The following PRR5L variants were observed in gnomAD, a reference collection of about 807,000 sequenced individuals.
PRR5L encodes the protein proline rich 5 like, also known as proline-rich protein 5-like.
PRR5L carries 21 observed loss-of-function variants against 36.4 expected under a neutral mutation model. That is an observed-to-expected ratio of 0.58 (90% CI 0.41 to 0.83). The LOEUF is 0.83. Ranked by LOEUF, PRR5L falls within the 40% of genes least tolerant of loss-of-function variation. The probability of loss-of-function intolerance (pLI) is 0.00; values close to 1 mark genes in which losing one functional copy is unlikely to be tolerated. For missense variants in PRR5L, 381 were observed against 473.3 expected, an observed-to-expected ratio of 0.80 and a Z score of 1.81; for synonymous variants, 188 against 197.0, an observed-to-expected ratio of 0.95 and a Z score of 0.38.
At chr11:36,406,418 A>T (rs1857913711) in intron 3 of PRR5L, among the ~76,000 whole-genome samples, 1 of 152,184 alleles carries the variant, frequency 6.6e-6, no homozygotes, top group African/African-American at 2.4e-5. Flanking sequence ...TATTTTAGAG[A>T]AGGCCAGAGG....
intron 1 of PRR5L, among the ~76,000 whole-genome samples, chr11:36,327,278 A>G (rs1316486340): frequency 6.6e-6 from 1 of 152,176 alleles, no homozygotes; most frequent in African/African-American, 2.4e-5. Context: ...AAACTAGTTC[A>G]TGCCATGATG....
rs192676831 is a variant in PRR5L, at chr11:36,322,167, T to C, written c.-126+25729T>C. On this transcript the variant is annotated intron_variant, in intron 1 of 8. Transcript: ENST00000530639. ...TCTTAATTGTTTCAAAAATGTTCTT[T>C]GAAATGAACCTACATTGACTGCTTC... Among the ~76,000 whole-genome samples the C allele has an allele frequency of 1.9e-3, 288 of 152,328 alleles. 2 individuals are homozygous for C. Among genetic ancestry groups the C allele is most frequent in the African/African-American group, 6.6e-3 (275 of 41,568 alleles).
rs181807175 is a variant in PRR5L, at chr11:36,423,052, T to C, written c.294+3749T>C. Reference sequence around the variant, plus strand: ...CTGTATCTACTGGCTTTGTTTTGTGTGTTATAAGCTTTTGCCCCAAGCCCA... The same window carrying C: ...CTGTATCTACTGGCTTTGTTTTGTGCGTTATAAGCTTTTGCCCCAAGCCCA... On this transcript the variant is annotated intron_variant, in intron 4 of 8. Transcript: ENST00000530639. Among the ~76,000 whole-genome samples the C allele has an allele frequency of 5.2e-3, 799 of 152,296 alleles. 3 individuals carry two copies. Among genetic ancestry groups the C allele is most frequent in the African/African-American group, 0.017 (707 of 41,546 alleles).
intron 1 of PRR5L, among the ~76,000 whole-genome samples, chr11:36,317,210 G>C (rs143877497): frequency 6.6e-6 from 1 of 152,322 alleles, no homozygotes; most frequent in Non-Finnish European, 1.5e-5. Flanking sequence ...GTCTGCCTTA[G>C]TGAGGGCAAC....
chr11:36,327,676 A>ATCTATTT (rs1856678576), intron 1 of PRR5L, among the ~76,000 whole-genome samples: 1 of 152,192 alleles, frequency 6.6e-6, no homozygotes, highest in African/African-American at 2.4e-5. Flanking sequence ...AAGCATAGTC[A>ATCTATTT]CCTATGAGAA....
At chr11:36,372,651 T>G (rs1857208964) in intron 1 of PRR5L, among the ~76,000 whole-genome samples, 1 of 152,152 alleles carries the variant, frequency 6.6e-6, no homozygotes, top group Non-Finnish European at 1.5e-5. Flanking sequence ...AGGGAGTGGC[T>G]GGGATTGTGG....
intron 1 of PRR5L, among the ~76,000 whole-genome samples, chr11:36,350,961 T>TA (rs1416061404): frequency 1.1e-5 from 1 of 94,890 alleles, no homozygotes; most frequent in Non-Finnish European, 1.9e-5. Flanking sequence ...TTTATATATA[T>TA]TTATATATTT....
intron 8 of PRR5L, among the ~76,000 whole-genome samples, chr11:36,458,133 C>A (rs1258864212): frequency 6.6e-6 from 1 of 152,250 alleles, no homozygotes; most frequent in Admixed American, 6.5e-5. Flanking sequence ...CGTTTTGTCT[C>A]TTATCTCCAA....
At chr11:36,343,983 G>C (rs1272090894) in intron 1 of PRR5L, among the ~76,000 whole-genome samples, 1 of 151,850 alleles carries the variant, frequency 6.6e-6, no homozygotes, top group South Asian at 2.1e-4. Flanking sequence ...TTGGGAGGCC[G>C]AGGCGGGTGG....
chr11:36,329,180 A>C (rs960915366), intron 1 of PRR5L: 1 of 152,206 alleles, frequency 6.6e-6, no homozygotes, highest in Admixed American at 6.5e-5. Context: ...TTGGATGATG[A>C]AATGAGGATG....
chr11:36,350,944 A>ATATTTATATATTTATATATT (rs1554986952), intron 1 of PRR5L, among the ~76,000 whole-genome samples: 6,264 of 57,090 alleles, frequency 0.11, 1,838 homozygotes, highest in Non-Finnish European at 0.14. Flanking sequence ...ATATTTATAT[A>ATATTTATATATTTATATATT]TATATATTTA....
intron 1 of PRR5L, among the ~76,000 whole-genome samples, chr11:36,296,673 G>A (rs1856314841): frequency 6.6e-6 from 1 of 152,152 alleles, no homozygotes; most frequent in Non-Finnish European, 1.5e-5. Context: ...GATATCTCTG[G>A]GTGACCAGGG....
intron 3 of PRR5L, among the ~76,000 whole-genome samples, chr11:36,413,727 TA>T (rs1223040629): frequency 1.1e-3 from 162 of 151,180 alleles, no homozygotes; most frequent in African/African-American, 3.2e-3. Flanking sequence ...TTTATTTTAT[TA>T]TTATTATACT....
At chr11:36,354,165 T>A (rs452838) in intron 1 of PRR5L, among the ~76,000 whole-genome samples, 8,004 of 152,232 alleles carry the variant, frequency 0.053, 686 homozygotes, top group African/African-American at 0.18. Flanking sequence ...AGAATGGAAA[T>A]CATAACAGTA....
chr11:36,439,221 C>G (rs1858669911), intron 6 of PRR5L, among the ~76,000 whole-genome samples: 1 of 151,930 alleles, frequency 6.6e-6, no homozygotes, highest in Non-Finnish European at 1.5e-5. Context: ...CCCTGGGTCT[C>G]TCTTCAGGCC....
chr11:36,322,314 T>C (rs1856620720), intron 1 of PRR5L, among the ~76,000 whole-genome samples: 1 of 152,212 alleles, frequency 6.6e-6, no homozygotes, highest in Non-Finnish European at 1.5e-5. Flanking sequence ...TCAGGGTATC[T>C]ACTTTTTTAA....
Position 36,462,708 on chromosome 11 carries a change from C to T in PRR5L, c.1079C>T (p.Ser360Leu), listed in dbSNP as rs377764430. Residue 360 changes from serine (S) to leucine (L), a missense_variant, in exon 9 of 9, where the codon TCG (serine) becomes TTG (leucine). Physicochemically the swap from Ser to Leu is moderately radical, Grantham distance 145 (BLOSUM62 -2). Coordinates refer to ENST00000530639, the MANE Select transcript of PRR5L (RefSeq NM_001160167.2). ...EEGARGSQEG[S>L]ELNCASLS ...GGGGCCAGGGGCAGCCAGGAGGGCT[C>T]GGAGCTGAACTGTGCTTCCCTCAGC... The T allele has an allele frequency of 3.8e-6, 6 of 1,582,074 alleles. No individual in the cohort carries two copies. The Admixed American group carries it at 5.3e-5, about 14-fold the overall frequency.
intron 4 of PRR5L, among the ~76,000 whole-genome samples, chr11:36,426,742 A>T (rs1858391226): frequency 6.6e-6 from 1 of 152,238 alleles, no homozygotes; most frequent in African/African-American, 2.4e-5. Flanking sequence ...GACACTGAGT[A>T]AAAACCAATA....
chr11:36,420,296 A>G (rs568440868), intron 4 of PRR5L, among the ~76,000 whole-genome samples: 2 of 152,380 alleles, frequency 1.3e-5, no homozygotes, highest in Admixed American at 1.3e-4. Context: ...TATGTGAAAT[A>G]ACACATGTAA....
Sources: allele counts gnomAD v4.1 joint callset (sites outside exome capture counted in the v4.1 genomes callset), GRCh38; gene constraint gnomAD v4.1.1; transcripts MANE v1.5; gene names NCBI Gene and HGNC (gene_info 2026-07-23, HGNC 2026-07-21).